Variants in SUZ12 observed in about 807,000 individuals in gnomAD.
SUZ12 encodes the protein SUZ12 polycomb repressive complex 2 subunit, also known as polycomb protein SUZ12.
In SUZ12, 17 loss-of-function variants were observed where a neutral mutation model predicts 87.3. The ratio of observed to expected loss-of-function variants is 0.19; its 90% CI spans 0.13 to 0.29. The LOEUF (loss-of-function observed/expected upper bound fraction) is 0.29, where lower values mean the gene tolerates loss of function less well. Ranked by LOEUF, SUZ12 falls within the 10% of genes least tolerant of loss-of-function variation. The probability of loss-of-function intolerance (pLI) is 1.00; values close to 1 mark genes in which losing one functional copy is unlikely to be tolerated. For synonymous variants in SUZ12, 253 were observed against 312.4 expected, an observed-to-expected ratio of 0.81 and a Z score of 2.01; for missense variants, 526 against 912.2, an observed-to-expected ratio of 0.58 and a Z score of 5.45.
Position 31,943,330 on chromosome 17 carries a change from G to A in SUZ12, c.386+2844G>A, listed in dbSNP as rs377615030. Reference sequence around the variant, plus strand: ...GTGCAAAATTGAGGATATTATGTAGGTACTTAATTTTAAAAGAAAGAAAAA... The same window carrying A: ...GTGCAAAATTGAGGATATTATGTAGATACTTAATTTTAAAAGAAAGAAAAA... On this transcript the variant is annotated intron_variant, in intron 3 of 15. Coordinates refer to ENST00000322652, the MANE Select transcript of SUZ12 (RefSeq NM_015355.4). Among the ~76,000 whole-genome samples the A allele has an allele frequency of 6.2e-4, 94 of 152,120 alleles. No homozygotes were observed. In the East Asian group the frequency reaches 6.6e-3, roughly 11 times the overall value.
At chr17:31,961,726 G>T (rs1159276300) in intron 4 of SUZ12, among the ~76,000 whole-genome samples, 1 of 152,166 alleles carries the variant, frequency 6.6e-6, no homozygotes, top group Non-Finnish European at 1.5e-5. Context: ...TTTTCTTAAT[G>T]ACCTCAGTTT....
At chr17:31,949,490 G>C (rs1053980266) in intron 4 of SUZ12, among the ~76,000 whole-genome samples, 1 of 151,868 alleles carries the variant, frequency 6.6e-6, no homozygotes, top group African/African-American at 2.4e-5. Context: ...TAAATTTACT[G>C]CTAAGACCCT....
chr17:31,978,665 A>G (rs1348896288), intron 8 of SUZ12, among the ~76,000 whole-genome samples: 2 of 152,240 alleles, frequency 1.3e-5, no homozygotes, highest in Non-Finnish European at 2.9e-5. Flanking sequence ...GTTCTATTTT[A>G]GGCAGCATGG....
chr17:31,956,781 T>C (rs2142144207), intron 4 of SUZ12, among the ~76,000 whole-genome samples: 1 of 151,780 alleles, frequency 6.6e-6, no homozygotes, highest in Admixed American at 6.6e-5. Context: ...TATATATGTA[T>C]ATATATATAT....
chr17:31,967,843 G>A lies in SUZ12; in HGVS notation c.505+1647G>A, dbSNP rs142454756. Among the ~76,000 whole-genome samples the A allele has an allele frequency of 1.8e-3, 280 of 152,236 alleles. 3 individuals carry two copies. The highest frequency in any genetic ancestry group is 6.3e-3 in the African/African-American group (260 of 41,556). On this transcript the variant is annotated intron_variant, in intron 5 of 15. Transcript: ENST00000322652. ...ATTGCACAACTCTACTCCAGGCTGG[G>A]CAACAGAGTGAGACCTTGTCTCCAA...
chr17:31,980,031 G>GAA (rs1335156652), intron 8 of SUZ12, among the ~76,000 whole-genome samples: 4 of 151,890 alleles, frequency 2.6e-5, no homozygotes, highest in African/African-American at 9.7e-5. Context: ...GAGAGAGAGA[G>GAA]AGAGAGAAAC....
intron 4 of SUZ12, among the ~76,000 whole-genome samples, chr17:31,962,032 G>A (rs1276479061): frequency 6.6e-6 from 1 of 152,202 alleles, no homozygotes; most frequent in East Asian, 1.9e-4. Context: ...CTAAAAAGTG[G>A]TAAATAAGAG....
At chr17:31,961,270 C>T (rs1335731235) in intron 4 of SUZ12, among the ~76,000 whole-genome samples, 2 of 151,672 alleles carry the variant, frequency 1.3e-5, no homozygotes, top group Admixed American at 6.6e-5. Flanking sequence ...GGCTGGTTGG[C>T]TGGGCATAGT....
chr17:31,978,925 G>A (rs1030213120), intron 8 of SUZ12, among the ~76,000 whole-genome samples: 5 of 151,702 alleles, frequency 3.3e-5, no homozygotes, highest in African/African-American at 1.2e-4. Context: ...GGCCAACATG[G>A]TGAAACCCCA....
intron 4 of SUZ12, among the ~76,000 whole-genome samples, chr17:31,955,047 T>G (rs1907228526): frequency 6.6e-6 from 1 of 152,186 alleles, no homozygotes; most frequent in Non-Finnish European, 1.5e-5. Context: ...AGTGCAGTGA[T>G]AGGTTCATAG....
At chr17:31,940,966 C>T (rs1329429299) in intron 3 of SUZ12, among the ~76,000 whole-genome samples, 3 of 151,086 alleles carry the variant, frequency 2.0e-5, no homozygotes, top group African/African-American at 4.9e-5. Context: ...GCCGAGATTG[C>T]GCCGTTGCAC....
At chr17:31,956,669 GCACTTCTCGCC>G (rs1456502809) in intron 4 of SUZ12, among the ~76,000 whole-genome samples, 1 of 151,850 alleles carries the variant, frequency 6.6e-6, no homozygotes, top group East Asian at 1.9e-4. Flanking sequence ...TGCTATTATT[GCACTTCTCGCC>G]TAGTATTGTG....
chr17:31,942,567 C>T (rs148349695), intron 3 of SUZ12, among the ~76,000 whole-genome samples: 2,086 of 151,822 alleles, frequency 0.014, 17 homozygotes, highest in Non-Finnish European at 0.022. Context: ...GAACTCCTGA[C>T]CTCAGGTGAT....
chr17:31,985,893 C>A (rs1215393374), intron 9 of SUZ12, among the ~76,000 whole-genome samples: 1 of 152,098 alleles, frequency 6.6e-6, no homozygotes, highest in Non-Finnish European at 1.5e-5. Flanking sequence ...GAACTCCTGA[C>A]CTTGTGATCC....
intron 4 of SUZ12, among the ~76,000 whole-genome samples, chr17:31,958,653 C>T (rs1162194247): frequency 6.6e-6 from 1 of 152,174 alleles, no homozygotes; most frequent in Non-Finnish European, 1.5e-5. Flanking sequence ...TGAGACTATC[C>T]TGGCCAACAT....
intron 5 of SUZ12, among the ~76,000 whole-genome samples, chr17:31,970,304 A>AC (rs1908347416): frequency 6.6e-6 from 1 of 151,960 alleles, no homozygotes; most frequent in Non-Finnish European, 1.5e-5. Flanking sequence ...TTACACACAC[A>AC]CCCCCAATAA....
intron 4 of SUZ12, among the ~76,000 whole-genome samples, chr17:31,958,923 C>T (rs2142148208): frequency 6.6e-6 from 1 of 152,268 alleles, no homozygotes; most frequent in East Asian, 1.9e-4. Context: ...GAGGCTGAGG[C>T]AGGAGAATTG....
chr17:31,981,646 A>G (rs965318145), intron 8 of SUZ12, among the ~76,000 whole-genome samples: 3 of 151,768 alleles, frequency 2.0e-5, no homozygotes, highest in Non-Finnish European at 2.9e-5. Context: ...CTGATGTACT[A>G]TTGAAGTTGA....
intron 8 of SUZ12, among the ~76,000 whole-genome samples, chr17:31,981,154 C>T (rs2142190772): frequency 6.6e-6 from 1 of 152,226 alleles, no homozygotes; most frequent in East Asian, 1.9e-4. Context: ...AAAAAAGCCA[C>T]CATAACCAAA....
Sources: gnomAD v4.1 joint callset for allele counts (sites outside exome capture counted in the v4.1 genomes callset) on GRCh38, gnomAD v4.1.1 for gene constraint, MANE v1.5 for transcripts, NCBI Gene and HGNC (gene_info 2026-07-23, HGNC 2026-07-21) for gene names.